The following RAPGEF4 variants were observed in gnomAD, a reference collection of about 807,000 sequenced individuals.
RAPGEF4 encodes RAP guanine-nucleotide-exchange factor (GEF) 4.
A neutral mutation model predicts 147.9 loss-of-function variants in RAPGEF4; 66 were observed. The ratio of observed to expected loss-of-function variants is 0.45; its 90% CI spans 0.37 to 0.55. The LOEUF is 0.55. RAPGEF4 is among the 20% of genes least tolerant of loss of function. The probability of loss-of-function intolerance (pLI) is 0.00; values close to 1 mark genes in which losing one functional copy is unlikely to be tolerated. For missense variants in RAPGEF4, 1,071 were observed against 1,257.3 expected, an observed-to-expected ratio of 0.85 and a Z score of 2.24; for synonymous variants, 419 against 442.7, an observed-to-expected ratio of 0.95 and a Z score of 0.67.
chr2:173,021,756 C>G (rs1023702465), intron 23 of RAPGEF4, among the ~76,000 whole-genome samples: 4 of 152,154 alleles, frequency 2.6e-5, no homozygotes, highest in African/African-American at 9.7e-5. Flanking sequence ...GAGGTTGTTT[C>G]AGGCTCATCA....
At chr2:173,004,522 G>A (rs892084957) in intron 17 of RAPGEF4, among the ~76,000 whole-genome samples, 7 of 151,820 alleles carry the variant, frequency 4.6e-5, no homozygotes, top group African/African-American at 1.7e-4. Flanking sequence ...TATACATATA[G>A]ATATATGTTT....
intron 1 of RAPGEF4, among the ~76,000 whole-genome samples, chr2:172,781,638 T>C (rs1684691235): frequency 6.6e-6 from 1 of 152,156 alleles, no homozygotes; most frequent in Non-Finnish European, 1.5e-5. Context: ...GGGGTACCCA[T>C]GGGAGGATTT....
intron 2 of RAPGEF4, 34 bp downstream of exon 2, chr2:172,795,201 G>A (rs751086690): frequency 6.4e-7 from 1 of 1,563,784 alleles, no homozygotes; most frequent in East Asian, 2.2e-5. Flanking sequence ...ATATTTCCAT[G>A]TATGGTTTAT....
At chr2:172,852,356 T>G (rs2149741241) in intron 4 of RAPGEF4, among the ~76,000 whole-genome samples, 1 of 152,308 alleles carries the variant, frequency 6.6e-6, no homozygotes, top group Non-Finnish European at 1.5e-5. Flanking sequence ...TGATGAATTG[T>G]CAATAAGTTG....
At chr2:172,796,689 A>C (rs1206589615) in intron 2 of RAPGEF4, among the ~76,000 whole-genome samples, 1 of 152,094 alleles carries the variant, frequency 6.6e-6, no homozygotes, top group African/African-American at 2.4e-5. Flanking sequence ...GTCATCATTA[A>C]TTATGGTTCC....
chr2:173,005,583 C>T (rs113706741), intron 17 of RAPGEF4, among the ~76,000 whole-genome samples: 4,660 of 118,978 alleles, frequency 0.039, 278 homozygotes, highest in African/African-American at 0.14. Context: ...AGTGTAGTAT[C>T]GCAATCTTGG....
intron 6 of RAPGEF4, among the ~76,000 whole-genome samples, chr2:172,949,563 C>T (rs557649309): frequency 3.3e-5 from 5 of 152,312 alleles, no homozygotes; most frequent in African/African-American, 1.2e-4. Context: ...TGAGAAAAGT[C>T]ACCTGTAGTG....
intron 4 of RAPGEF4, among the ~76,000 whole-genome samples, chr2:172,880,378 A>C (rs1696469546): frequency 6.6e-6 from 1 of 152,256 alleles, no homozygotes; most frequent in African/African-American, 2.4e-5. Flanking sequence ...CTATAAGTAC[A>C]CATTGCATAG....
At chr2:172,970,023 G>A (rs761291997) in intron 10 of RAPGEF4, among the ~76,000 whole-genome samples, 6 of 151,926 alleles carry the variant, frequency 3.9e-5, no homozygotes, top group Non-Finnish European at 2.9e-5. Flanking sequence ...TAGGTTTTTC[G>A]AAACTTTGCA....
intron 3 of RAPGEF4, among the ~76,000 whole-genome samples, chr2:172,800,073 T>C (rs1287545280): frequency 6.6e-6 from 1 of 152,208 alleles, no homozygotes; most frequent in East Asian, 1.9e-4. Flanking sequence ...TCAAAACCAA[T>C]GCAGAGAACT....
intron 4 of RAPGEF4, among the ~76,000 whole-genome samples, chr2:172,887,858 G>A (rs1697422799): frequency 6.6e-6 from 1 of 151,980 alleles, no homozygotes; most frequent in African/African-American, 2.4e-5. Flanking sequence ...GGCCCTGGTT[G>A]GTTTTTTCAT....
chr2:172,741,526 T>A (rs1008993339), intron 1 of RAPGEF4, among the ~76,000 whole-genome samples: 3 of 152,220 alleles, frequency 2.0e-5, no homozygotes, highest in Non-Finnish European at 2.9e-5. Flanking sequence ...AATACTTTTT[T>A]AAAAATGACA....
chr2:173,038,213 G>A (rs1684297197), intron 29 of RAPGEF4, among the ~76,000 whole-genome samples: 1 of 152,160 alleles, frequency 6.6e-6, no homozygotes, highest in Admixed American at 6.5e-5. Flanking sequence ...TTTGATCAAA[G>A]TAGACAACAT....
chr2:173,050,981 A>G (rs1339545074), intron 30 of RAPGEF4, among the ~76,000 whole-genome samples: 1 of 152,228 alleles, frequency 6.6e-6, no homozygotes, highest in African/African-American at 2.4e-5. Flanking sequence ...AGTTGCTCAC[A>G]TGCTTGGGAT....
chr2:172,929,755 CG>C (rs1200020660), intron 6 of RAPGEF4, among the ~76,000 whole-genome samples: 2 of 152,116 alleles, frequency 1.3e-5, no homozygotes, highest in African/African-American at 2.4e-5. Context: ...CAGAAGCACA[CG>C]TGAACAAATA....
intron 4 of RAPGEF4, among the ~76,000 whole-genome samples, chr2:172,872,694 A>G (rs897422473): frequency 6.6e-6 from 1 of 152,060 alleles, no homozygotes; most frequent in Non-Finnish European, 1.5e-5. Flanking sequence ...CCACCATGGT[A>G]AGACATGCCT....
Position 172,768,706 on chromosome 2 carries a change from A to C in RAPGEF4, c.66-26319A>C, listed in dbSNP as rs545938036. Among the ~76,000 whole-genome samples the C allele has an allele frequency of 3.1e-4, 47 of 152,312 alleles. No individual in the cohort carries two copies. In the Middle Eastern group the frequency reaches 0.01, roughly 33 times the overall value. ...ATTCCCATATAACTCCAAAGTACCAAAGATTACAGTCCCTTATTGCACATT... is the reference window on the plus strand; with the variant it reads ...ATTCCCATATAACTCCAAAGTACCACAGATTACAGTCCCTTATTGCACATT... On this transcript the variant is annotated intron_variant, in intron 1 of 30. Coordinates refer to ENST00000397081, the MANE Select transcript of RAPGEF4 (RefSeq NM_007023.4).
At chr2:173,047,895 C>T (rs1685699707) in intron 29 of RAPGEF4, among the ~76,000 whole-genome samples, 2 of 152,262 alleles carry the variant, frequency 1.3e-5, no homozygotes, top group South Asian at 4.1e-4. Context: ...CCAGGATGGT[C>T]TCGATCTCCT....
At chr2:172,740,689 C>A (rs1409154270) in intron 1 of RAPGEF4, among the ~76,000 whole-genome samples, 1 of 152,156 alleles carries the variant, frequency 6.6e-6, no homozygotes, top group East Asian at 1.9e-4. Flanking sequence ...AGAAAGGGGT[C>A]CCTGGAGGAG....
Sources: allele counts gnomAD v4.1 joint callset (sites outside exome capture counted in the v4.1 genomes callset), GRCh38; gene constraint gnomAD v4.1.1; transcripts MANE v1.5; gene names NCBI Gene and HGNC (gene_info 2026-07-23, HGNC 2026-07-21).